Variants in CACNA1D observed in about 807,000 individuals in gnomAD.
CACNA1D encodes voltage-dependent L-type calcium channel subunit alpha-1D.
In CACNA1D, 55 loss-of-function variants were observed where a neutral mutation model predicts 257.1. The ratio of observed to expected loss-of-function variants is 0.21; its 90% CI spans 0.17 to 0.27. The LOEUF is 0.27. CACNA1D is among the 10% of genes least tolerant of loss of function. The pLI, the probability that CACNA1D is intolerant of heterozygous loss-of-function variation, is 1.00. For missense variants in CACNA1D, 1,876 were observed against 2,784.0 expected (o/e 0.67, Z 7.34); for synonymous variants, 980 against 1,014.9 (o/e 0.97, Z 0.65).
At chr3:53,571,508 A>C (rs772358932) in intron 3 of CACNA1D, among the ~76,000 whole-genome samples, 5 of 151,972 alleles carry the variant, frequency 3.3e-5, no homozygotes, top group Non-Finnish European at 5.9e-5. Context: ...GGTTATACGA[A>C]TGGGGTGTGT....
At chr3:53,663,423 A>G (rs757796074) in intron 5 of CACNA1D, among the ~76,000 whole-genome samples, 3 of 152,328 alleles carry the variant, frequency 2.0e-5, no homozygotes, top group Non-Finnish European at 2.9e-5. Flanking sequence ...TCGTGGGGCC[A>G]TGGAGAGGAT....
At position 53,793,808 on chromosome 3, in the gene CACNA1D, G is replaced by T. The variant is rs1000673594; in HGVS notation, c.4924-6441G>T. ...TTTGCAGTCAAACTGCAGAGACACC[G>T]CTGTCGTTTCTCTTAAAGCCTTGGC... On this transcript the variant is annotated intron_variant, in intron 40 of 47. Coordinates refer to ENST00000350061, the MANE Select transcript of CACNA1D (RefSeq NM_001128840.3). The surrounding 1 kb of genome is among the most constrained non-coding windows in gnomAD (Gnocchi z 4.1). 6.6e-6 allele frequency among the ~76,000 whole-genome samples: 1 copy of T among 152,216 alleles called. No individual in the cohort carries two copies. Among genetic ancestry groups the T allele is most frequent in the Non-Finnish European group, 1.5e-5 (1 of 68,032 alleles).
Position 53,811,590 on chromosome 3 carries a change from G to C in CACNA1D, c.*184G>C, listed in dbSNP as rs2095601187. ...ACCTGGTAGGAACAGGTCCCAAGCG[G>C]TTGAGCCTGGCAGAGTACCATGCGC... is the stretch of plus-strand genomic sequence containing the variant. On this transcript the variant is annotated 3_prime_UTR_variant, in exon 48 of 48. Coordinates refer to ENST00000350061, the MANE Select transcript of CACNA1D (RefSeq NM_001128840.3). The surrounding 1 kb of genome is among the most constrained non-coding windows in gnomAD (Gnocchi z 4.2). 3 of 562,524 alleles carry C rather than the reference G, an allele frequency of 5.3e-6. No homozygotes were observed. The highest frequency in any genetic ancestry group is 9.2e-6 in the Non-Finnish European group (3 of 325,596). 34.8% of individuals were successfully genotyped at this position (562,524 alleles called of 1,614,324 possible). A position where few individuals can be genotyped will look rare whatever the true frequency, so the allele number is the denominator to read the frequency against.
intron 35 of CACNA1D, among the ~76,000 whole-genome samples, chr3:53,776,341 G>A (rs144326002): frequency 6.6e-6 from 1 of 152,320 alleles, no homozygotes; most frequent in African/African-American, 2.4e-5. Context: ...TGACCTAAGA[G>A]TGTGAATTAT....
At chr3:53,786,264 G>GC (rs2109104633) in intron 39 of CACNA1D, 1 of 161,016 alleles carries the variant, frequency 6.2e-6, no homozygotes, top group South Asian at 1.8e-4. Flanking sequence ...GGTATATGGA[G>GC]CTTATTGGTG....
intron 11 of CACNA1D, among the ~76,000 whole-genome samples, chr3:53,721,807 T>TAA (rs58964113): frequency 6.9e-6 from 1 of 143,938 alleles, no homozygotes. Context: ...AGGTTCCCTT[T>TAA]AAAAAAAAAA....
At chr3:53,558,098 C>T (rs1432704279) in intron 3 of CACNA1D, among the ~76,000 whole-genome samples, 1 of 152,150 alleles carries the variant, frequency 6.6e-6, no homozygotes, top group Admixed American at 6.5e-5. Flanking sequence ...CACAATCTCA[C>T]GTTCTTCATA....
intron 38 of CACNA1D, 63 bp from the exon 39 acceptor site, chr3:53,781,502 AG>A (rs1348655580): frequency 5.3e-5 from 57 of 1,078,880 alleles, no homozygotes; most frequent in Non-Finnish European, 6.9e-5. Context: ...AGGCTGTGCA[AG>A]CAGAGGAGGA....
At chr3:53,592,307 G>A (rs992752520) in intron 3 of CACNA1D, among the ~76,000 whole-genome samples, 3 of 152,206 alleles carry the variant, frequency 2.0e-5, no homozygotes, top group Non-Finnish European at 4.4e-5. Context: ...GGATAGCCAG[G>A]GCAGAGGGGA....
intron 8 of CACNA1D, among the ~76,000 whole-genome samples, chr3:53,680,017 G>T (rs1647557082): frequency 6.6e-6 from 1 of 152,290 alleles, no homozygotes; most frequent in Admixed American, 6.5e-5. Context: ...CTTTCTTGTT[G>T]CAGAGTTAAC....
At chr3:53,608,674 T>C (rs952387337) in intron 3 of CACNA1D, among the ~76,000 whole-genome samples, 3 of 152,196 alleles carry the variant, frequency 2.0e-5, no homozygotes, top group African/African-American at 7.2e-5. Flanking sequence ...TCTCAGGAGC[T>C]TTTACCATGA....
At chr3:53,760,803 AGG>A (rs2108939819) in intron 29 of CACNA1D, among the ~76,000 whole-genome samples, 2 of 152,372 alleles carry the variant, frequency 1.3e-5, no homozygotes, top group South Asian at 4.1e-4. Flanking sequence ...GATGACAGGC[AGG>A]GTGCAAGTTG....
intron 4 of CACNA1D, among the ~76,000 whole-genome samples, chr3:53,656,935 G>A (rs1052809680): frequency 1.3e-5 from 2 of 152,122 alleles, no homozygotes; most frequent in Non-Finnish European, 2.9e-5. Context: ...GGAACAACTG[G>A]AACTCTCATA....
chr3:53,682,365 T>TAAAAAAAAAAAACAAAAA (rs2094437885), intron 8 of CACNA1D, among the ~76,000 whole-genome samples: 1 of 47,386 alleles, frequency 2.1e-5, no homozygotes, highest in Non-Finnish European at 3.7e-5. Context: ...TTGTCTCTGG[T>TAAAAAAAAAAAACAAAAA]AAAAAAAAAA....
intron 4 of CACNA1D, among the ~76,000 whole-genome samples, chr3:53,657,101 T>C (rs1004837935): frequency 1.3e-5 from 2 of 152,108 alleles, no homozygotes; most frequent in Admixed American, 6.6e-5. Context: ...CCAAAAAAAC[T>C]TTATTCATAA....
intron 3 of CACNA1D, among the ~76,000 whole-genome samples, chr3:53,522,673 A>C (rs1459858309): frequency 6.6e-6 from 1 of 152,254 alleles, no homozygotes; most frequent in East Asian, 1.9e-4. Context: ...ATAATTGTAC[A>C]TATGTATGGG....
In CACNA1D at chr3:53,786,937, C is replaced by T. The variant is rs373449217; in HGVS notation, c.4908C>T (p.Thr1636=). The T allele has an allele frequency of 5.5e-5, 89 of 1,613,950 alleles. No homozygotes were observed. Among genetic ancestry groups the T allele is most frequent in the Non-Finnish European group, 7.2e-5 (85 of 1,179,938 alleles). The change falls in exon 40 of 48, where the codon ACC becomes ACT. Residue 1636 remains threonine (T), a synonymous_variant. Coordinates refer to ENST00000350061, the MANE Select transcript of CACNA1D (RefSeq NM_001128840.3). ...GLVGKYPAKN[T]TIALQAGLRT... ...TGGGAAAGTACCCTGCGAAGAACAC[C>T]ACAATTGCCCTACAGGTGAATTGTT...
Position 53,672,758 on chromosome 3 carries a change from CTGTGTGTGTGTG to C in CACNA1D, c.1117-215_1117-204del, listed in dbSNP as rs57956658. On this transcript the variant is annotated intron_variant, in intron 7 of 47. Transcript: ENST00000350061. ...ATTCGGCCTGAAAGCCTTGATGACT[CTGTGTGTGTGTG>C]TGTGTGTGTGTGTGTGTGTGTGTGT... Among the ~76,000 whole-genome samples, 14,157 of 95,090 alleles carry C rather than the reference CTGTGTGTGTGTG, an allele frequency of 0.15. 1,013 individuals are homozygous for C. The highest frequency in any genetic ancestry group is 0.25 in the East Asian group (851 of 3,470). 62.4% of individuals were successfully genotyped at this position (95,090 alleles called of 152,430 possible).
At chr3:53,718,692 A>T (rs1203480854) in intron 10 of CACNA1D, 1 of 1,551,602 alleles carries the variant, frequency 6.4e-7, no homozygotes, top group African/African-American at 1.4e-5. Flanking sequence ...GTGCTGGTGG[A>T]GACGGAGAGG....
Sources: allele counts gnomAD v4.1 joint callset (sites outside exome capture counted in the v4.1 genomes callset), GRCh38; gene constraint gnomAD v4.1.1; non-coding constraint Gnocchi (gnomAD v3.1); transcripts MANE v1.5; gene names NCBI Gene and HGNC (gene_info 2026-07-23, HGNC 2026-07-21).